The following ATP1A1 variants were observed in gnomAD, a reference collection of about 807,000 sequenced individuals.
ATP1A1 encodes the protein sodium/potassium-transporting ATPase subunit alpha-1.
In ATP1A1, 14 loss-of-function variants were observed where a neutral mutation model predicts 114.8. That is an observed-to-expected ratio of 0.12 (90% CI 0.08 to 0.19). The LOEUF (loss-of-function observed/expected upper bound fraction) is 0.19, where lower values mean the gene tolerates loss of function less well. Ranked by LOEUF, ATP1A1 falls within the 10% of genes least tolerant of loss-of-function variation. ATP1A1 has a pLI of 1.00. For missense variants in ATP1A1, 524 were observed against 1,290.7 expected, an observed-to-expected ratio of 0.41 and a Z score of 9.10; for synonymous variants, 471 against 466.3, an observed-to-expected ratio of 1.01 and a Z score of -0.13.
In ATP1A1 at chr1:116,401,158, T is replaced by A. The variant is rs753022560; in HGVS notation, c.2747T>A (p.Phe916Tyr). Residue 916 changes from phenylalanine to tyrosine, a missense_variant, in exon 20 of 23, where the codon TTC becomes TAC. Phe to Tyr is a conservative substitution (Grantham distance 22). Coordinates refer to ENST00000295598, the MANE Select transcript of ATP1A1 (RefSeq NM_000701.8). This position sits in a 1 kb window ranked among gnomAD's most constrained non-coding sequence, Gnocchi z 4.7. ...TATGAGCAGAGGAAAATCGTGGAGTTCACCTGCCACACAGCCTTCTTCGTC... is the reference window on the plus strand; with the variant it reads ...TATGAGCAGAGGAAAATCGTGGAGTACACCTGCCACACAGCCTTCTTCGTC... Reference protein sequence around the residue: ...WTYEQRKIVEFTCHTAFFVSI... With the variant: ...WTYEQRKIVEYTCHTAFFVSI... 3.1e-6 allele frequency: 5 copies of A among 1,614,188 alleles called. No homozygotes were observed. The Admixed American group carries it at 8.3e-5, about 27-fold the overall frequency.
rs1652796955 is a variant in ATP1A1 at position 116,395,057 on chromosome 1, T to G, written c.1661-53T>G. ...CGGGCTGAATAGGCTGCTGTTGTCC[T>G]TCTTACTGCCCAGCGTCACTGAAAT... On this transcript the variant is annotated intron_variant, in intron 12 of 22. Transcript: ENST00000295598. The surrounding 1 kb of genome is among the most constrained non-coding windows in gnomAD (Gnocchi z 6.4). 6.4e-7 allele frequency: 1 copy of G among 1,573,156 alleles called. No individual in the cohort carries two copies. Among genetic ancestry groups the G allele is most frequent in the Non-Finnish European group, 8.6e-7 (1 of 1,156,352 alleles).
Position 116,401,688 on chromosome 1 carries a change from T to A in ATP1A1, c.2951+33T>A, listed in dbSNP as rs750441419. ...GATCCTCTGGTAGCTCCAAAAAGTA[T>A]GAAATAGTATGTGTGGCTTTTCCCC... On this transcript the variant is annotated intron_variant, in intron 21 of 22. Transcript: ENST00000295598. This position sits in a 1 kb window ranked among gnomAD's most constrained non-coding sequence, Gnocchi z 4.7. The A allele has an allele frequency of 3.2e-6, 5 of 1,584,014 alleles. No individual in the cohort carries two copies. In the Admixed American group the frequency reaches 6.8e-5, roughly 21 times the overall value.
intron 10 of ATP1A1, chr1:116,392,226 A>AT (rs1652523452): frequency 6.6e-6 from 1 of 152,244 alleles, no homozygotes. Flanking sequence ...TCACTGAAGC[A>AT]TGGGCTTTAA....
intron 3 of ATP1A1, among the ~76,000 whole-genome samples, chr1:116,386,356 A>G (rs1279090412): frequency 2.6e-5 from 4 of 152,108 alleles, no homozygotes; most frequent in African/African-American, 7.2e-5. Context: ...ACCTATGCCC[A>G]TTACTCAAAT....
intron 1 of ATP1A1, among the ~76,000 whole-genome samples, chr1:116,374,488 C>T (rs1302282938): frequency 1.3e-5 from 2 of 152,128 alleles, no homozygotes; most frequent in Non-Finnish European, 2.9e-5. Flanking sequence ...CACCAAAGGG[C>T]GGTCCCTGAA....
chr1:116,377,924 C>T (rs1170589471), intron 1 of ATP1A1, among the ~76,000 whole-genome samples: 1 of 146,094 alleles, frequency 6.8e-6, no homozygotes, highest in African/African-American at 2.4e-5. Context: ...AACCTACTCA[C>T]TCATTTTAAA....
At position 116,373,457 on chromosome 1, in the gene ATP1A1, TTC is replaced by T. The variant is rs746508079; in HGVS notation, c.-49_-48del. 29 of 1,510,102 alleles carry T rather than the reference TTC, an allele frequency of 1.9e-5. No homozygotes were observed. The highest frequency in any genetic ancestry group is 8.8e-5 in the African/African-American group (6 of 68,426). 93.5% of individuals were successfully genotyped at this position (1,510,102 alleles called of 1,614,324 possible). A position where few individuals can be genotyped will look rare whatever the true frequency, so the allele number is the denominator to read the frequency against. On this transcript the variant is annotated 5_prime_UTR_variant, in exon 1 of 23. Transcript: ENST00000295598. The stretch of plus-strand genomic sequence containing the variant: ...CTCGGCCGGGAGCTGCTCTGTGCTT[TTC>T]TCTCTGATTCTCCAGCGACAGGACC...
intron 1 of ATP1A1, among the ~76,000 whole-genome samples, chr1:116,375,674 GTGTT>G (rs897978079): frequency 1.3e-5 from 2 of 152,198 alleles, no homozygotes; most frequent in Non-Finnish European, 2.9e-5. Flanking sequence ...GTTTGTGTGT[GTGTT>G]TGTCCTGTGA....
intron 9 of ATP1A1, 103 bp downstream of exon 9, chr1:116,390,514 G>T (rs1479703856): frequency 1.3e-5 from 15 of 1,168,428 alleles, no homozygotes; most frequent in South Asian, 4.8e-5. Flanking sequence ...TTAAGCTCAT[G>T]GCAGCTTTTT....
In ATP1A1 at chr1:116,401,344, T is replaced by C. The variant is rs1570980867; in HGVS notation, c.2849+84T>C. The stretch of plus-strand genomic sequence containing the variant: ...AACCCTTTGCCAAAAACTAAACATA[T>C]GACACATATAGCCAGGTTTCTGGAA... On this transcript the variant is annotated intron_variant, in intron 20 of 22. Transcript: ENST00000295598. This position sits in a 1 kb window ranked among gnomAD's most constrained non-coding sequence, Gnocchi z 4.7. 1.3e-6 allele frequency: 2 copies of C among 1,594,764 alleles called. No homozygotes were observed. Among genetic ancestry groups the C allele is most frequent in the Non-Finnish European group, 1.7e-6 (2 of 1,165,742 alleles).
In ATP1A1 at chr1:116,389,115, C is replaced by G; in HGVS notation, c.754+96C>G. The stretch of plus-strand genomic sequence containing the variant: ...GGCACAATCTCTTGTTTTATTGGCT[C>G]CATTTCTGAGAACTTGTGTCAAGCA... On this transcript the variant is annotated intron_variant, in intron 7 of 22. Coordinates refer to ENST00000295598, the MANE Select transcript of ATP1A1 (RefSeq NM_000701.8). This position sits in a 1 kb window ranked among gnomAD's most constrained non-coding sequence, Gnocchi z 6.9. 1 of 1,198,974 alleles carries G rather than the reference C, an allele frequency of 8.3e-7. No individual in the cohort carries two copies. Among genetic ancestry groups the G allele is most frequent in the Non-Finnish European group, 1.2e-6 (1 of 824,486 alleles). The allele number at this position is 1,198,974 out of a possible 1,614,324, so 74.3% of individuals were successfully genotyped here.
chr1:116,392,137 A>G (rs1652515883), intron 10 of ATP1A1: 1 of 152,232 alleles, frequency 6.6e-6, no homozygotes, highest in Non-Finnish European at 1.5e-5. Context: ...TTACCTATAT[A>G]AAATTTGTTT....
At chr1:116,390,969 T>A (rs1652422658) in intron 10 of ATP1A1, 78 bp downstream of exon 10, 1 of 1,277,266 alleles carries the variant, frequency 7.8e-7, no homozygotes, top group African/African-American at 1.5e-5. Context: ...AGTAGCAAAT[T>A]ACCTTTGTGG....
At position 116,395,475 on chromosome 1, in the gene ATP1A1, G is replaced by A. The variant is rs780800007; in HGVS notation, c.1836+190G>A. ...TTAAAATATGATGGTGTAAACACACGAGGAATTAAAAATTTTTTGGAAAGC... is the reference window on the plus strand; with the variant it reads ...TTAAAATATGATGGTGTAAACACACAAGGAATTAAAAATTTTTTGGAAAGC... On this transcript the variant is annotated intron_variant, in intron 13 of 22. Coordinates refer to ENST00000295598, the MANE Select transcript of ATP1A1 (RefSeq NM_000701.8). This position sits in a 1 kb window ranked among gnomAD's most constrained non-coding sequence, Gnocchi z 6.4. Among the ~76,000 whole-genome samples the A allele has an allele frequency of 1.3e-5, 2 of 152,068 alleles. No homozygotes were observed. Among genetic ancestry groups the A allele is most frequent in the South Asian group, 2.1e-4 (1 of 4,812 alleles).
Position 116,381,170 on chromosome 1 carries a change from A to T in ATP1A1, c.13-2844A>T, listed in dbSNP as rs6428896. On this transcript the variant is annotated intron_variant, in intron 1 of 22. Coordinates refer to ENST00000295598, the MANE Select transcript of ATP1A1 (RefSeq NM_000701.8). This position sits in a 1 kb window ranked among gnomAD's most constrained non-coding sequence, Gnocchi z 5.1. The stretch of plus-strand genomic sequence containing the variant: ...GCCCAATGCCCAGATGAGTGGGAAG[A>T]TTACTGTAGTTGATTGAGGAAATGC... 6.6e-6 allele frequency among the ~76,000 whole-genome samples: 1 copy of T among 152,034 alleles called. No individual in the cohort carries two copies. Among genetic ancestry groups the T allele is most frequent in the Non-Finnish European group, 1.5e-5 (1 of 68,030 alleles).
chr1:116,390,788 C>G lies in ATP1A1; in HGVS notation c.1229C>G (p.Ser410Cys). ...GTTTTCTTGCCTCCATCAGGTGTCT[C>G]TTTTGACAAGACTTCAGCTACCTGG... ...ADTTENQSGV[S>C]FDKTSATWLA... Residue 410 changes from serine to cysteine, a missense_variant, in exon 10 of 23, where the codon TCT (serine) becomes TGT (cysteine). By Grantham distance (112) the Ser-to-Cys change is moderately radical. Around this residue, in one of 8 missense-constraint regions of ATP1A1, gnomAD observed 143 missense variants for 259.3 expected, o/e 0.55. Coordinates refer to ENST00000295598, the MANE Select transcript of ATP1A1 (RefSeq NM_000701.8). 1 of 1,614,092 alleles carries G rather than the reference C, an allele frequency of 6.2e-7. No individual in the cohort carries two copies. Among genetic ancestry groups the G allele is most frequent in the Non-Finnish European group, 8.5e-7 (1 of 1,179,980 alleles).
intron 9 of ATP1A1, 75 bp downstream of exon 9, chr1:116,390,486 G>C: frequency 8.1e-7 from 1 of 1,240,308 alleles, no homozygotes; most frequent in South Asian, 1.5e-5. Flanking sequence ...GAAATTGCAT[G>C]AAATTTCTTT....
rs2101047624 is a variant in ATP1A1, at chr1:116,390,891, G to GCGGGCA, written c.1332_1332+1insCGGGCA (p.Arg445_Ala446dup). 1 of 1,611,908 alleles carries GCGGGCA rather than the reference G, an allele frequency of 6.2e-7. No individual in the cohort carries two copies. The highest frequency in any genetic ancestry group is 8.5e-7 in the Non-Finnish European group (1 of 1,178,000). ...ACCAGGAAAACCTACCTATTCTTAA[G>GCGGGCA]GTATGCTCAAGAGTTAACTAATGGA... On this transcript the variant is annotated inframe_insertion and splice_region_variant. Transcript: ENST00000295598.
At chr1:116,386,567 T>C (rs945621970) in intron 3 of ATP1A1, among the ~76,000 whole-genome samples, 3 of 152,324 alleles carry the variant, frequency 2.0e-5, no homozygotes, top group South Asian at 4.1e-4. Flanking sequence ...TTTGACTTGT[T>C]ATTTTGAGAG....
Sources: allele counts gnomAD v4.1 joint callset (sites outside exome capture counted in the v4.1 genomes callset), GRCh38; gene constraint gnomAD v4.1.1; regional missense constraint gnomAD v4.1.1; non-coding constraint Gnocchi (gnomAD v3.1); transcripts MANE v1.5; gene names NCBI Gene and HGNC (gene_info 2026-07-23, HGNC 2026-07-21).